RBFOX1: variants seen among roughly 807,000 people sequenced by gnomAD.
RBFOX1 encodes the protein RNA binding fox-1 homolog 1.
Under a neutral mutation model 57.7 loss-of-function variants are expected in RBFOX1, and 8 were observed. That is an observed-to-expected ratio of 0.14 (90% CI 0.08 to 0.25). RBFOX1 has a LOEUF of 0.25. Among genes scored for constraint, RBFOX1 ranks in the 10% least tolerant of loss-of-function variants. The pLI is 1.00. For missense variants in RBFOX1, 611 were observed against 548.5 expected (o/e 1.11, Z -1.14); for synonymous variants, 326 against 222.4 (o/e 1.47, Z -4.15).
intron 2 of RBFOX1, among the ~76,000 whole-genome samples, chr16:6,465,481 C>T (rs2095026087): frequency 6.6e-6 from 1 of 152,008 alleles, no homozygotes; most frequent in Non-Finnish European, 1.5e-5. Flanking sequence ...AGACTCAGCT[C>T]GTGGGTTCCT....
At chr16:7,639,152 G>C (rs988550118) in intron 11 of RBFOX1, among the ~76,000 whole-genome samples, 3 of 152,146 alleles carry the variant, frequency 2.0e-5, no homozygotes, top group Admixed American at 6.5e-5. Context: ...TCTGGTTTCA[G>C]AGGCTTAATT....
chr16:5,572,202 G>A (rs1032219473), intron 2 of RBFOX1, among the ~76,000 whole-genome samples: 4 of 152,170 alleles, frequency 2.6e-5, no homozygotes, highest in Non-Finnish European at 4.4e-5. Flanking sequence ...GATCAGATAA[G>A]GGAGACTTAT....
chr16:7,554,872 C>T (rs1264401218), intron 5 of RBFOX1, among the ~76,000 whole-genome samples: 1 of 152,080 alleles, frequency 6.6e-6, no homozygotes. Flanking sequence ...GTTGAAAATA[C>T]TTAGCTATTA....
At chr16:6,256,824 C>G in intron 1 of RBFOX1, among the ~76,000 whole-genome samples, 1 of 152,132 alleles carries the variant, frequency 6.6e-6, no homozygotes, top group Middle Eastern at 3.4e-3. Context: ...GAGAAACTCT[C>G]ATTTAGGAAG....
chr16:7,519,284 G>T (rs1227532240), intron 5 of RBFOX1, among the ~76,000 whole-genome samples: 1 of 152,088 alleles, frequency 6.6e-6, no homozygotes, highest in African/African-American at 2.4e-5. Flanking sequence ...TCCAGGTTGC[G>T]GTGTTTGTCC....
intron 3 of RBFOX1, among the ~76,000 whole-genome samples, chr16:6,712,640 C>G (rs199745355): frequency 2.6e-5 from 4 of 152,044 alleles, no homozygotes; most frequent in East Asian, 3.9e-4. Context: ...TTATTAGGTC[C>G]TATCATGGCG....
intron 3 of RBFOX1, among the ~76,000 whole-genome samples, chr16:6,895,495 C>A (rs1406213012): frequency 2.0e-5 from 2 of 98,376 alleles, no homozygotes; most frequent in Non-Finnish European, 4.1e-5. Context: ...TATTTATTCC[C>A]CTATTGGATA....
intron 2 of RBFOX1, among the ~76,000 whole-genome samples, chr16:5,548,170 A>ATATATAT (rs1317008346): frequency 9.6e-4 from 39 of 40,694 alleles, no homozygotes; most frequent in African/African-American, 1.8e-3. Flanking sequence ...AAAAAAAAAA[A>ATATATAT]AAAAATATAT....
intron 3 of RBFOX1, among the ~76,000 whole-genome samples, chr16:6,815,827 A>C (rs1281522369): frequency 2.0e-5 from 3 of 152,210 alleles, no homozygotes; most frequent in Non-Finnish European, 4.4e-5. Flanking sequence ...TTTAAGAGGA[A>C]AAGCTTAATT....
At chr16:5,688,976 A>G (rs988578287) in intron 3 of RBFOX1, among the ~76,000 whole-genome samples, 2 of 152,220 alleles carry the variant, frequency 1.3e-5, no homozygotes, top group African/African-American at 4.8e-5. Flanking sequence ...TCTACCTACC[A>G]AATGTGAACC....
intron 2 of RBFOX1, among the ~76,000 whole-genome samples, chr16:5,481,457 T>C (rs1356059052): frequency 2.6e-5 from 4 of 152,258 alleles, no homozygotes; most frequent in Admixed American, 6.5e-5. Context: ...GCAGGGTTTA[T>C]TATGGTAGTA....
chr16:6,979,792 C>T lies in RBFOX1; in HGVS notation c.-15-72265C>T, dbSNP rs1218027857. ...GCAAAAATCATCTCAGTGGGTATTCCACCCTTTTCTCCTGCCTACAGAAAT... is the reference window on the plus strand; with the variant it reads ...GCAAAAATCATCTCAGTGGGTATTCTACCCTTTTCTCCTGCCTACAGAAAT... On this transcript the variant is annotated intron_variant, in intron 3 of 15. Transcript: ENST00000550418. 2.6e-5 allele frequency among the ~76,000 whole-genome samples: 4 copies of T among 152,084 alleles called. No homozygotes were observed. In the East Asian group the frequency reaches 7.7e-4, roughly 29 times the overall value.
At chr16:6,782,506 C>G (rs981664436) in intron 3 of RBFOX1, among the ~76,000 whole-genome samples, 6 of 151,992 alleles carry the variant, frequency 3.9e-5, no homozygotes, top group South Asian at 2.1e-4. Flanking sequence ...ATGGTTCAAT[C>G]TTGGTAGGAA....
At chr16:7,109,418 T>C (rs1184340556) in intron 4 of RBFOX1, among the ~76,000 whole-genome samples, 1 of 152,060 alleles carries the variant, frequency 6.6e-6, no homozygotes, top group African/African-American at 2.4e-5. Flanking sequence ...CTCAGAACCC[T>C]AAGGCAATTT....
intron 4 of RBFOX1, among the ~76,000 whole-genome samples, chr16:7,185,761 C>T (rs900634508): frequency 3.9e-5 from 6 of 152,166 alleles, no homozygotes; most frequent in Admixed American, 2.0e-4. Flanking sequence ...TGAATTCCTT[C>T]TGAAACTGTA....
chr16:7,594,874 G>C (rs185565359), intron 7 of RBFOX1, among the ~76,000 whole-genome samples: 2 of 152,266 alleles, frequency 1.3e-5, no homozygotes, highest in African/African-American at 4.8e-5. Flanking sequence ...ACATTGAATT[G>C]TTTGTATTAT....
At chr16:7,262,493 A>G (rs957555742) in intron 4 of RBFOX1, among the ~76,000 whole-genome samples, 22 of 152,218 alleles carry the variant, frequency 1.4e-4, no homozygotes, top group Admixed American at 1.4e-3. Flanking sequence ...AATTTAGGAG[A>G]TCAGAGTTAT....
intron 2 of RBFOX1, among the ~76,000 whole-genome samples, chr16:6,601,178 A>G (rs1380250915): frequency 1.3e-5 from 2 of 152,194 alleles, no homozygotes; most frequent in African/African-American, 2.4e-5. Context: ...TAGATATCCA[A>G]CTTAGTACTT....
intron 3 of RBFOX1, among the ~76,000 whole-genome samples, chr16:6,666,525 G>A (rs933758336): frequency 7.4e-6 from 1 of 134,964 alleles, no homozygotes; most frequent in African/African-American, 2.9e-5. Flanking sequence ...GGGTGACAGA[G>A]TAAGACTCTG....
Sources: gnomAD v4.1 joint callset for allele counts (sites outside exome capture counted in the v4.1 genomes callset) on GRCh38, gnomAD v4.1.1 for gene constraint, MANE v1.5 for transcripts, NCBI Gene and HGNC (gene_info 2026-07-23, HGNC 2026-07-21) for gene names.